Variants in ARHGAP15 observed in about 807,000 individuals in gnomAD.
The protein encoded by ARHGAP15 is rho GTPase-activating protein 15.
ARHGAP15 carries 51 observed loss-of-function variants against 63.7 expected under a neutral mutation model. That is an observed-to-expected ratio of 0.80 (90% CI 0.64 to 1.01). ARHGAP15 has a LOEUF of 1.01. ARHGAP15 is among the 50% of genes least tolerant of loss of function. The pLI is 0.00. For synonymous variants in ARHGAP15, 191 were observed against 193.8 expected (o/e 0.99, Z 0.12); for missense variants, 560 against 564.6 (o/e 0.99, Z 0.08).
At chr2:143,149,672 C>T (rs1477185684) in intron 1 of ARHGAP15, among the ~76,000 whole-genome samples, 1 of 151,886 alleles carries the variant, frequency 6.6e-6, no homozygotes, top group African/African-American at 2.4e-5. Context: ...TTCTTTCTGC[C>T]TCTAACTTAT....
In ARHGAP15 at chr2:143,373,644, A is replaced by C. The variant is rs955097067; in HGVS notation, c.475-61957A>C. ...GACTCTATCTCAAAAAAAAAAAAAA[A>C]AAAAAAAAAAAAAAAACACAGAAAT... is the stretch of plus-strand genomic sequence containing the variant. On this transcript the variant is annotated intron_variant, in intron 6 of 13. Transcript: ENST00000295095. Among the ~76,000 whole-genome samples the C allele has an allele frequency of 9.5e-4, 142 of 149,750 alleles. 2 individuals are homozygous for C. The highest frequency in any genetic ancestry group is 3.2e-3 in the African/African-American group (132 of 41,020).
At chr2:143,455,502 C>T (rs989210333) in intron 8 of ARHGAP15, among the ~76,000 whole-genome samples, 4 of 151,986 alleles carry the variant, frequency 2.6e-5, no homozygotes, top group African/African-American at 9.7e-5. Flanking sequence ...AGGTTTTATC[C>T]TTATTTTACC....
chr2:143,542,219 A>G (rs10195688), intron 10 of ARHGAP15, among the ~76,000 whole-genome samples: 50,926 of 152,114 alleles, frequency 0.33, 8,747 homozygotes, highest in East Asian at 0.42. Context: ...TGTTAAGCCC[A>G]TTGGAAGAGC....
chr2:143,327,179 A>G (rs1684290404), intron 6 of ARHGAP15, among the ~76,000 whole-genome samples: 1 of 152,176 alleles, frequency 6.6e-6, no homozygotes, highest in Non-Finnish European at 1.5e-5. Context: ...ATAATAAAAT[A>G]CCTAGTAGGA....
At chr2:143,254,418 A>G (rs1431103099) in intron 6 of ARHGAP15, among the ~76,000 whole-genome samples, 1 of 151,830 alleles carries the variant, frequency 6.6e-6, no homozygotes, top group Non-Finnish European at 1.5e-5. Flanking sequence ...GTTTGTTTAA[A>G]AAAAAAAAAA....
chr2:143,484,714 G>A (rs753904557), intron 8 of ARHGAP15, among the ~76,000 whole-genome samples: 15 of 152,046 alleles, frequency 9.9e-5, no homozygotes, highest in Non-Finnish European at 1.8e-4. Context: ...TCTTCTGGTA[G>A]CCACATTTTA....
At chr2:143,411,548 A>G (rs1288361688) in intron 6 of ARHGAP15, among the ~76,000 whole-genome samples, 1 of 152,196 alleles carries the variant, frequency 6.6e-6, no homozygotes, top group Non-Finnish European at 1.5e-5. Context: ...GCTTTATTGA[A>G]TATAAGGACC....
Position 143,437,315 on chromosome 2 carries a change from G to A in ARHGAP15, c.703+273G>A, listed in dbSNP as rs529585183. 115 of 318,392 alleles carry A rather than the reference G, an allele frequency of 3.6e-4. 1 individual carries two copies. Among genetic ancestry groups the A allele is most frequent in the Non-Finnish European group, 5.8e-4 (99 of 171,192 alleles). The allele number at this position is 318,392 out of a possible 1,614,324, so 19.7% of individuals were successfully genotyped here. A position where few individuals can be genotyped will look rare whatever the true frequency, so the allele number is the denominator to read the frequency against. On this transcript the variant is annotated intron_variant, in intron 8 of 13. Transcript: ENST00000295095. ...CTCTGAGTAATAGCCATGGTGTTCA[G>A]ATCAGTGATTGATTTTGAGAGTGGG...
At chr2:143,205,257 A>T (rs1046968608) in intron 3 of ARHGAP15, among the ~76,000 whole-genome samples, 7 of 143,526 alleles carry the variant, frequency 4.9e-5, no homozygotes, top group African/African-American at 1.8e-4. Context: ...GAGAGAGATA[A>T]AAAAAAAAAA....
intron 2 of ARHGAP15, among the ~76,000 whole-genome samples, chr2:143,183,784 G>A (rs1691331042): frequency 6.6e-6 from 1 of 150,474 alleles, no homozygotes; most frequent in Non-Finnish European, 1.5e-5. Flanking sequence ...TTTACTGGAA[G>A]CAAAATTGAC....
chr2:143,387,867 ACACATACACGCATGCGTG>A (rs1392223330), intron 6 of ARHGAP15, among the ~76,000 whole-genome samples: 1 of 150,986 alleles, frequency 6.6e-6, no homozygotes, highest in Non-Finnish European at 1.5e-5. Flanking sequence ...GGACGCACAT[ACACATACACGCATGCGTG>A]CACATACACA....
intron 6 of ARHGAP15, among the ~76,000 whole-genome samples, chr2:143,299,519 G>T (rs1682802499): frequency 6.6e-6 from 1 of 151,870 alleles, no homozygotes; most frequent in Non-Finnish European, 1.5e-5. Context: ...GTTGAGATAT[G>T]AGAGATTATT....
chr2:143,509,980 A>C (rs1693504540), intron 9 of ARHGAP15, among the ~76,000 whole-genome samples: 1 of 131,368 alleles, frequency 7.6e-6, no homozygotes, highest in South Asian at 2.7e-4. Flanking sequence ...AGATTGTACC[A>C]CTGCACTCCA....
intron 6 of ARHGAP15, among the ~76,000 whole-genome samples, chr2:143,283,671 T>C (rs1681962703): frequency 6.6e-6 from 1 of 152,138 alleles, no homozygotes; most frequent in Non-Finnish European, 1.5e-5. Context: ...TTCTTCAACA[T>C]TAATTTGATG....
chr2:143,608,775 C>G (rs1392200226), intron 11 of ARHGAP15: 1 of 152,132 alleles, frequency 6.6e-6, no homozygotes, highest in East Asian at 1.9e-4. Flanking sequence ...ATGGTTTGTT[C>G]ACTTTAAAAA....
At chr2:143,436,832 C>A in intron 7 of ARHGAP15, 81 bp from the exon 8 acceptor site, 12 of 1,484,966 alleles carry the variant, frequency 8.1e-6, no homozygotes, top group Non-Finnish European at 1.1e-5. Context: ...TCCCCATAAA[C>A]AGCAAAATTG....
chr2:143,674,247 A>C (rs1682714475), intron 12 of ARHGAP15, among the ~76,000 whole-genome samples: 1 of 152,154 alleles, frequency 6.6e-6, no homozygotes, highest in African/African-American at 2.4e-5. Flanking sequence ...AATGACTCAT[A>C]AGCTCATCAA....
intron 8 of ARHGAP15, among the ~76,000 whole-genome samples, chr2:143,461,270 ACT>A (rs1487104061): frequency 1.9e-5 from 2 of 102,984 alleles, no homozygotes; most frequent in South Asian, 3.8e-4. Flanking sequence ...ACAGAATGAG[ACT>A]CTGTCTCTCA....
At chr2:143,310,186 AGT>A (rs1173003209) in intron 6 of ARHGAP15, among the ~76,000 whole-genome samples, 1 of 152,076 alleles carries the variant, frequency 6.6e-6, no homozygotes, top group Non-Finnish European at 1.5e-5. Flanking sequence ...TTTTGTTTAC[AGT>A]ATTACTGTGT....
Sources: allele counts gnomAD v4.1 joint callset (sites outside exome capture counted in the v4.1 genomes callset), GRCh38; gene constraint gnomAD v4.1.1; transcripts MANE v1.5; gene names NCBI Gene and HGNC (gene_info 2026-07-23, HGNC 2026-07-21).